Variants in SLC23A2 observed in about 807,000 individuals in gnomAD.
SLC23A2 encodes Na(+)/L-ascorbic acid transporter 2.
In SLC23A2, 36 loss-of-function variants were observed where a neutral mutation model predicts 73.3. That is an observed-to-expected ratio of 0.49 (90% CI 0.38 to 0.65). The LOEUF (loss-of-function observed/expected upper bound fraction) is 0.65. SLC23A2 is among the 30% of genes least tolerant of loss of function. The pLI, the probability that SLC23A2 is intolerant of heterozygous loss-of-function variation, is 0.00. For missense variants in SLC23A2, 507 were observed against 841.6 expected (o/e 0.60, Z 4.92); for synonymous variants, 343 against 327.3 (o/e 1.05, Z -0.52).
chr20:4,888,349 G>A (rs977684198), intron 6 of SLC23A2, among the ~76,000 whole-genome samples: 2 of 152,188 alleles, frequency 1.3e-5, no homozygotes, highest in Non-Finnish European at 2.9e-5. Flanking sequence ...GCTATTTACT[G>A]TTGGCCTTTT....
intron 2 of SLC23A2, among the ~76,000 whole-genome samples, chr20:4,940,983 C>T (rs2087031365): frequency 6.6e-6 from 1 of 151,974 alleles, no homozygotes; most frequent in African/African-American, 2.4e-5. Context: ...TGGTGAAAAC[C>T]CGTCTCTACC....
At chr20:4,896,425 A>G (rs1170148757) in intron 6 of SLC23A2, among the ~76,000 whole-genome samples, 1 of 151,618 alleles carries the variant, frequency 6.6e-6, no homozygotes, top group Non-Finnish European at 1.5e-5. Context: ...TTCACAGCAA[A>G]AGCCCCCCTC....
chr20:4,936,364 C>T (rs1432270572), intron 2 of SLC23A2, among the ~76,000 whole-genome samples: 1 of 152,190 alleles, frequency 6.6e-6, no homozygotes, highest in African/African-American at 2.4e-5. Flanking sequence ...AGTCACATTC[C>T]AAGGGACCAA....
rs368561766 is a variant in SLC23A2, at chr20:4,877,058, T to A, written c.825-2362A>T. ...GGATAGCATTAGGAGATATACCTAA[T>A]GTAAATGACGAGTTAATGGGTGCAG... On this transcript the variant is annotated intron_variant, in intron 9 of 16. Coordinates refer to ENST00000338244, the MANE Select transcript of SLC23A2 (RefSeq NM_005116.6). 7.9e-5 allele frequency among the ~76,000 whole-genome samples: 12 copies of A among 152,300 alleles called. 1 individual carries two copies. In the South Asian group the frequency reaches 2.5e-3, roughly 32 times the overall value.
Position 4,869,922 on chromosome 20 carries a change from TGGG to T in SLC23A2, c.1231_1233del (p.Pro411del). 1.9e-6 allele frequency: 2 copies of T among 1,047,548 alleles called. No homozygotes were observed. Among genetic ancestry groups the T allele is most frequent in the Non-Finnish European group, 1.3e-6 (1 of 765,526 alleles). The allele number at this position is 1,047,548 out of a possible 1,614,324, so 64.9% of individuals were successfully genotyped here. Reference sequence around the variant, plus strand: ...GGAACGTACCTGTTTATTGCGTGGATGGGGGGGGGTGGGGCACAGGACAGCCGT... The same window carrying T: ...GGAACGTACCTGTTTATTGCGTGGATGGGGGGTGGGGCACAGGACAGCCGT... On this transcript the variant is annotated inframe_deletion, in exon 12 of 17. Coordinates refer to ENST00000338244, the MANE Select transcript of SLC23A2 (RefSeq NM_005116.6).
chr20:4,955,766 G>T (rs1167896190), intron 2 of SLC23A2, among the ~76,000 whole-genome samples: 1 of 151,982 alleles, frequency 6.6e-6, no homozygotes, highest in Non-Finnish European at 1.5e-5. Flanking sequence ...TCCAGCCTGG[G>T]TAACAATGTG....
chr20:4,962,920 C>A (rs769860342), intron 2 of SLC23A2, among the ~76,000 whole-genome samples: 5 of 152,096 alleles, frequency 3.3e-5, no homozygotes, highest in Non-Finnish European at 7.4e-5. Flanking sequence ...TCGCTTAGAA[C>A]CAGGGAGGCG....
At chr20:4,909,290 C>T (rs556943240) in intron 4 of SLC23A2, among the ~76,000 whole-genome samples, 15 of 152,270 alleles carry the variant, frequency 9.9e-5, no homozygotes, top group Admixed American at 9.8e-4. Flanking sequence ...TTCCTTTGAG[C>T]ATCATGTCGG....
intron 1 of SLC23A2, among the ~76,000 whole-genome samples, chr20:4,994,644 G>A (rs1406693711): frequency 3.3e-5 from 5 of 151,920 alleles, no homozygotes; most frequent in Non-Finnish European, 5.9e-5. Context: ...TTAGCCAGGC[G>A]TAGCTACTCA....
chr20:4,968,429 G>A (rs898526922), intron 2 of SLC23A2, among the ~76,000 whole-genome samples: 4 of 152,146 alleles, frequency 2.6e-5, no homozygotes, highest in Non-Finnish European at 2.9e-5. Flanking sequence ...ACTCAACACA[G>A]AACGGCTTCA....
In SLC23A2 at chr20:4,899,538, T is replaced by C; in HGVS notation, c.482+17A>G. On this transcript the variant is annotated intron_variant, in intron 6 of 16. Transcript: ENST00000338244. This position sits in a 1 kb window ranked among gnomAD's most constrained non-coding sequence, Gnocchi z 4.9. ...TTCTGGGGGCTTTGGCATCCCCCAT[T>C]AGTACCCCAATCTCACCTGCATCCA... The C allele has an allele frequency of 6.2e-7, 1 of 1,613,448 alleles. No homozygotes were observed. The highest frequency in any genetic ancestry group is 2.2e-5 in the East Asian group (1 of 44,854).
Position 4,899,117 on chromosome 20 carries a change from T to A in SLC23A2, c.482+438A>T, listed in dbSNP as rs1470121665. 2.0e-5 allele frequency among the ~76,000 whole-genome samples: 3 copies of A among 151,934 alleles called. No individual in the cohort carries two copies. The highest frequency in any genetic ancestry group is 4.4e-5 in the Non-Finnish European group (3 of 67,974). On this transcript the variant is annotated intron_variant, in intron 6 of 16. Transcript: ENST00000338244. This position sits in a 1 kb window ranked among gnomAD's most constrained non-coding sequence, Gnocchi z 4.9. ...GTGTAAAAAGGGAGGAGAGCTGCAG[T>A]GTGGCTCACCCTGAGGAGGGTGTGG...
rs2087549980 is a variant in SLC23A2 at position 4,970,862 on chromosome 20, A to G, written c.-224T>C. Reference sequence around the variant, plus strand: ...TTCGCTGAGTTACATTTGCTTATGCACCAAGGTCCAAGTTCAAAGCCGTAT... The same window carrying G: ...TTCGCTGAGTTACATTTGCTTATGCGCCAAGGTCCAAGTTCAAAGCCGTAT... On this transcript the variant is annotated 5_prime_UTR_variant, in exon 2 of 17. Coordinates refer to ENST00000338244, the MANE Select transcript of SLC23A2 (RefSeq NM_005116.6). 6.6e-6 allele frequency: 1 copy of G among 152,248 alleles called. No individual in the cohort carries two copies. The highest frequency in any genetic ancestry group is 1.5e-5 in the Non-Finnish European group (1 of 68,054). The allele number at this position is 152,248 out of a possible 1,614,324, so 9.4% of individuals were successfully genotyped here.
intron 11 of SLC23A2, among the ~76,000 whole-genome samples, chr20:4,873,162 A>C (rs1323010413): frequency 6.6e-6 from 1 of 152,190 alleles, no homozygotes; most frequent in African/African-American, 2.4e-5. Flanking sequence ...CCCAACCTTA[A>C]AATTCTTGGC....
At chr20:4,901,457 GAGTGTGC>G (rs768596954) in intron 5 of SLC23A2, among the ~76,000 whole-genome samples, 14 of 152,190 alleles carry the variant, frequency 9.2e-5, no homozygotes, top group Non-Finnish European at 1.6e-4. Flanking sequence ...TTCAGTCCAG[GAGTGTGC>G]ATTTAAGAAA....
chr20:4,996,349 A>G (rs996543248), intron 1 of SLC23A2, among the ~76,000 whole-genome samples: 2 of 152,102 alleles, frequency 1.3e-5, no homozygotes, highest in African/African-American at 4.8e-5. Context: ...TTGGGAAGGA[A>G]GCCCGAGCCA....
intron 4 of SLC23A2, among the ~76,000 whole-genome samples, chr20:4,906,223 C>G (rs140096990): frequency 4.0e-4 from 61 of 152,318 alleles, no homozygotes; most frequent in African/African-American, 1.4e-3. Context: ...TGCCAGTGAT[C>G]ACCCGCTCAG....
intron 6 of SLC23A2, among the ~76,000 whole-genome samples, chr20:4,897,385 G>A (rs1247078983): frequency 6.6e-6 from 1 of 152,150 alleles, no homozygotes; most frequent in Non-Finnish European, 1.5e-5. Context: ...GCAGGGGTGG[G>A]GCTGCCATTC....
At chr20:4,885,725 A>G (rs1931071195) in intron 7 of SLC23A2, 96 bp downstream of exon 7, 4 of 847,880 alleles carry the variant, frequency 4.7e-6, no homozygotes, top group Non-Finnish European at 8.0e-6. Context: ...CTAATTCTTG[A>G]AAGGATTTAG....
Sources: gnomAD v4.1 joint callset for allele counts (sites outside exome capture counted in the v4.1 genomes callset) on GRCh38, gnomAD v4.1.1 for gene constraint, Gnocchi (gnomAD v3.1) non-coding constraint, MANE v1.5 for transcripts, NCBI Gene and HGNC (gene_info 2026-07-23, HGNC 2026-07-21) for gene names.